CSMD1: variants seen among roughly 807,000 people sequenced by gnomAD.
CSMD1 encodes the protein CUB and sushi domain-containing protein 1.
In CSMD1, 213 loss-of-function variants were observed where a neutral mutation model predicts 417.5. The observed-to-expected ratio is 0.51, with a 90% confidence interval of 0.46 to 0.57. The LOEUF (loss-of-function observed/expected upper bound fraction) is 0.57, where lower values mean the gene tolerates loss of function less well. CSMD1 is among the 20% of genes least tolerant of loss of function. The pLI, the probability that CSMD1 is intolerant of heterozygous loss-of-function variation, is 0.00. For synonymous variants in CSMD1, 2,862 were observed against 1,736.8 expected (o/e 1.65, Z -16.11); for missense variants, 6,923 against 4,529.7 (o/e 1.53, Z -15.17).
intron 4 of CSMD1, among the ~76,000 whole-genome samples, chr8:4,001,747 T>C (rs1227937719): frequency 6.6e-6 from 1 of 152,178 alleles, no homozygotes; most frequent in Non-Finnish European, 1.5e-5. Flanking sequence ...CTAGGCTCAC[T>C]GAATCCAGGT....
intron 5 of CSMD1, chr8:3,950,082 A>G: frequency 2.3e-6 from 1 of 443,820 alleles, no homozygotes; most frequent in Non-Finnish European, 4.5e-6. Context: ...AATAAAAAGA[A>G]AATCTTCCTT....
intron 5 of CSMD1, among the ~76,000 whole-genome samples, chr8:3,796,502 G>C (rs1181657262): frequency 7.2e-6 from 1 of 139,632 alleles, no homozygotes; most frequent in African/African-American, 2.6e-5. Flanking sequence ...TATAGATATA[G>C]ATATATATAT....
intron 5 of CSMD1, among the ~76,000 whole-genome samples, chr8:3,845,932 C>A (rs949532859): frequency 6.6e-6 from 1 of 152,018 alleles, no homozygotes; most frequent in African/African-American, 2.4e-5. Context: ...CTATCTTCCA[C>A]CTTCACATCC....
At chr8:4,803,848 G>A (rs1055131635) in intron 1 of CSMD1, among the ~76,000 whole-genome samples, 1 of 152,132 alleles carries the variant, frequency 6.6e-6, no homozygotes, top group Non-Finnish European at 1.5e-5. Flanking sequence ...TTATGTGTGT[G>A]TTACATATTT....
At chr8:4,104,028 C>G (rs989998254) in intron 3 of CSMD1, among the ~76,000 whole-genome samples, 1 of 152,182 alleles carries the variant, frequency 6.6e-6, no homozygotes, top group African/African-American at 2.4e-5. Flanking sequence ...TGTCCCTGCC[C>G]CAGCCTGGCC....
chr8:4,397,482 A>T (rs1804320472), intron 3 of CSMD1, among the ~76,000 whole-genome samples: 1 of 148,220 alleles, frequency 6.7e-6, no homozygotes, highest in Admixed American at 6.7e-5. Context: ...TTTTCATGAA[A>T]CTTCTGTGTG....
chr8:4,085,932 C>T (rs1430385844), intron 3 of CSMD1, among the ~76,000 whole-genome samples: 1 of 152,018 alleles, frequency 6.6e-6, no homozygotes. Flanking sequence ...GAAGGGGGCT[C>T]TGTATTATTT....
chr8:4,145,080 G>A (rs1211480614), intron 3 of CSMD1, among the ~76,000 whole-genome samples: 1 of 151,042 alleles, frequency 6.6e-6, no homozygotes, highest in African/African-American at 2.5e-5. Context: ...AAGATTTAAG[G>A]ATGTTAAAAA....
intron 7 of CSMD1, among the ~76,000 whole-genome samples, chr8:3,674,416 G>C (rs1032396141): frequency 5.3e-5 from 8 of 151,730 alleles, no homozygotes; most frequent in South Asian, 2.1e-4. Context: ...TTCAAATCAA[G>C]AATATTTAAA....
chr8:4,505,250 GA>G (rs35884489), intron 2 of CSMD1, among the ~76,000 whole-genome samples: 2 of 151,948 alleles, frequency 1.3e-5, no homozygotes, highest in African/African-American at 4.8e-5. Flanking sequence ...CTTACTTTAT[GA>G]AAAAATAATA....
chr8:3,434,948 G>A (rs1313180743), intron 12 of CSMD1, among the ~76,000 whole-genome samples: 1 of 152,180 alleles, frequency 6.6e-6, no homozygotes, highest in Non-Finnish European at 1.5e-5. Context: ...CAGTTCCCAT[G>A]TGCTGTTCAC....
chr8:3,933,213 G>T (rs1055336702), intron 5 of CSMD1, among the ~76,000 whole-genome samples: 1 of 135,644 alleles, frequency 7.4e-6, no homozygotes. Context: ...ACAATTTCTT[G>T]TTAAGTAGAA....
intron 3 of CSMD1, among the ~76,000 whole-genome samples, chr8:4,331,307 A>ATT (rs1799855468): frequency 6.6e-6 from 1 of 152,144 alleles, no homozygotes; most frequent in Non-Finnish European, 1.5e-5. Context: ...ATCATGCTGC[A>ATT]CGGTGGGTGC....
chr8:4,155,077 C>G (rs940725882), intron 3 of CSMD1, among the ~76,000 whole-genome samples: 3 of 152,154 alleles, frequency 2.0e-5, no homozygotes, highest in Non-Finnish European at 2.9e-5. Context: ...CCGATTTGTG[C>G]TTTGAACTCA....
chr8:3,852,589 G>C (rs149512513), intron 5 of CSMD1, among the ~76,000 whole-genome samples: 104 of 152,280 alleles, frequency 6.8e-4, no homozygotes, highest in African/African-American at 2.4e-3. Context: ...ACTTACTCGT[G>C]TCAGCTATCT....
At chr8:2,946,656 G>C (rs992251059) in intron 68 of CSMD1, among the ~76,000 whole-genome samples, 4 of 152,114 alleles carry the variant, frequency 2.6e-5, no homozygotes, top group African/African-American at 4.8e-5. Flanking sequence ...AGACATTTTG[G>C]TTGTATCTAC....
chr8:4,102,345 C>A (rs1801347544), intron 3 of CSMD1, among the ~76,000 whole-genome samples: 2 of 152,184 alleles, frequency 1.3e-5, no homozygotes, highest in Admixed American at 1.3e-4. Context: ...AGAATTTTTG[C>A]TTTGTTTTTC....
intron 1 of CSMD1, among the ~76,000 whole-genome samples, chr8:4,814,712 C>G (rs1371382873): frequency 6.6e-6 from 1 of 152,110 alleles, no homozygotes; most frequent in African/African-American, 2.4e-5. Context: ...CAGGTGTACC[C>G]TGTGACATAG....
chr8:3,880,963 G>A (rs1438283372), intron 5 of CSMD1, among the ~76,000 whole-genome samples: 1 of 152,014 alleles, frequency 6.6e-6, no homozygotes, highest in Non-Finnish European at 1.5e-5. Flanking sequence ...AAAGACAACT[G>A]CATTTTTAAG....
Sources: allele counts gnomAD v4.1 joint callset (sites outside exome capture counted in the v4.1 genomes callset), GRCh38; gene constraint gnomAD v4.1.1; transcripts MANE v1.5; gene names NCBI Gene and HGNC (gene_info 2026-07-23, HGNC 2026-07-21).